GPR12: variants seen among roughly 807,000 people sequenced by gnomAD.
The protein encoded by GPR12 is G-protein coupled receptor 12.
In GPR12, 7 loss-of-function variants were observed where a neutral mutation model predicts 18.9. That is an observed-to-expected ratio of 0.37 (90% CI 0.21 to 0.70). The LOEUF is 0.70. Among genes scored for constraint, GPR12 ranks in the 30% least tolerant of loss-of-function variants. The pLI is 0.54. For synonymous variants in GPR12, 201 were observed against 188.6 expected, an observed-to-expected ratio of 1.07 and a Z score of -0.54; for missense variants, 327 against 427.7, an observed-to-expected ratio of 0.76 and a Z score of 2.08.
Position 26,758,688 on chromosome 13 carries a change from A to AT in GPR12, c.*134dup. On this transcript the variant is annotated 3_prime_UTR_variant, in exon 2 of 2. Coordinates refer to ENST00000405846, the MANE Select transcript of GPR12 (RefSeq NM_005288.4). ...TCACTTAACTCATCTGAACGATGTC[A>AT]TTGTTTCACGAATGCTAAGTGCTCC... is the stretch of plus-strand genomic sequence containing the variant. The AT allele has an allele frequency of 7.8e-7, 1 of 1,283,940 alleles. No homozygotes were observed. The highest frequency in any genetic ancestry group is 1.0e-6 in the Non-Finnish European group (1 of 954,870). 79.5% of individuals were successfully genotyped at this position (1,283,940 alleles called of 1,614,324 possible).
rs758632134 is a variant in GPR12 at position 26,759,302 on chromosome 13, C to T, written c.526G>A (p.Val176Ile). 4 of 1,613,046 alleles carry T rather than the reference C, an allele frequency of 2.5e-6. No individual in the cohort carries two copies. Among genetic ancestry groups the T allele is most frequent in the South Asian group, 1.1e-5 (1 of 91,032 alleles). ...TCTCGGAGGCAGTTCCAGCCCATGA[C>T]GGGCAGCAGCCCCAGGCAGATGGAG... Reference protein sequence around the residue: ...GTSICLGLLPVMGWNCLRDES... With the variant: ...GTSICLGLLPIMGWNCLRDES... Residue 176 changes from valine to isoleucine, a missense_variant, in exon 2 of 2, where the codon GTC becomes ATC. Coordinates refer to ENST00000405846, the MANE Select transcript of GPR12 (RefSeq NM_005288.4).
chr13:26,759,568 G>C lies in GPR12; in HGVS notation c.260C>G (p.Ala87Gly). 2 of 1,614,190 alleles carry C rather than the reference G, an allele frequency of 1.2e-6. No homozygotes were observed. Among genetic ancestry groups the C allele is most frequent in the Non-Finnish European group, 8.5e-7 (1 of 1,180,036 alleles). ...APMFLLIGSL[A>G]LADLLAGIGL... is the part of the protein sequence containing the mutation. Reference sequence around the variant, plus strand: ...AATGCCGGCCAGCAGGTCTGCAAGAGCCAGGCTGCCTATTAGCAGGAACAT... The same window carrying C: ...AATGCCGGCCAGCAGGTCTGCAAGACCCAGGCTGCCTATTAGCAGGAACAT... Residue 87 changes from alanine (A) to glycine (G), a missense_variant, in exon 2 of 2, where the codon GCT becomes GGT. Physicochemically the swap from Ala to Gly is moderately conservative, Grantham distance 60 (BLOSUM62 0). Coordinates refer to ENST00000405846, the MANE Select transcript of GPR12 (RefSeq NM_005288.4).
Position 26,758,090 on chromosome 13 carries a change from T to C in GPR12, c.*733A>G, listed in dbSNP as rs553840030. 3.9e-5 allele frequency: 6 copies of C among 152,346 alleles called. No homozygotes were observed. In the South Asian group the frequency reaches 1.0e-3, roughly 26 times the overall value. 9.4% of individuals were successfully genotyped at this position (152,346 alleles called of 1,614,324 possible). A position where few individuals can be genotyped will look rare whatever the true frequency, so the allele number is the denominator to read the frequency against. The stretch of plus-strand genomic sequence containing the variant: ...GAAAACTATATTGAAAAATGACCCG[T>C]TGGAATCTAGATTGACATGGCAACA... On this transcript the variant is annotated 3_prime_UTR_variant, in exon 2 of 2. Coordinates refer to ENST00000405846, the MANE Select transcript of GPR12 (RefSeq NM_005288.4).
At chr13:26,760,123 G>A in intron 1 of GPR12, 1 of 316,746 alleles carries the variant, frequency 3.2e-6, no homozygotes, top group Non-Finnish European at 6.1e-6. Flanking sequence ...GACTCGCGGC[G>A]GTCTGTTTGC....
At position 26,759,225 on chromosome 13, in the gene GPR12, G is replaced by A. The variant is rs148049847; in HGVS notation, c.603C>T (p.Ile201=). ...VRPLTKNNAA[I]LSVSFLFMFA... ...ACATGAAGAGGAAGGACACCGAGAGGATGGCCGCGTTGTTCTTGGTGAGCG... is the reference window on the plus strand; with the variant it reads ...ACATGAAGAGGAAGGACACCGAGAGAATGGCCGCGTTGTTCTTGGTGAGCG... The change falls in exon 2 of 2, where the codon ATC becomes ATT. Residue 201 remains isoleucine, a synonymous_variant. Coordinates refer to ENST00000405846, the MANE Select transcript of GPR12 (RefSeq NM_005288.4). 110 of 1,612,982 alleles carry A rather than the reference G, an allele frequency of 6.8e-5. No homozygotes were observed. The African/African-American group carries it at 1.2e-3, about 17-fold the overall frequency.
Position 26,757,252 on chromosome 13 carries a change from C to G in GPR12, c.*1571G>C, listed in dbSNP as rs958441299. The stretch of plus-strand genomic sequence containing the variant: ...GGTCTTGAGAGCACCCTGGGCATCA[C>G]ATCTGGGACAAACCGATGAGGTTAA... On this transcript the variant is annotated 3_prime_UTR_variant, in exon 2 of 2. Coordinates refer to ENST00000405846, the MANE Select transcript of GPR12 (RefSeq NM_005288.4). 6.6e-6 allele frequency: 1 copy of G among 152,220 alleles called. No individual in the cohort carries two copies. The highest frequency in any genetic ancestry group is 2.4e-5 in the African/African-American group (1 of 41,452). The allele number at this position is 152,220 out of a possible 1,614,324, so 9.4% of individuals were successfully genotyped here.
chr13:26,755,214 A>G lies in GPR12; in HGVS notation c.*3609T>C, dbSNP rs531145668. On this transcript the variant is annotated 3_prime_UTR_variant, in exon 2 of 2. Coordinates refer to ENST00000405846, the MANE Select transcript of GPR12 (RefSeq NM_005288.4). ...ATTATGACAAATTTTAAAGGGGACA[A>G]TAAGGCAGTCTTTTCCTTTATTATA... 1 of 152,332 alleles carries G rather than the reference A, an allele frequency of 6.6e-6. No homozygotes were observed. The highest frequency in any genetic ancestry group is 6.5e-5 in the Admixed American group (1 of 15,300). The allele number at this position is 152,332 out of a possible 1,614,324, so 9.4% of individuals were successfully genotyped here. A position where few individuals can be genotyped will look rare whatever the true frequency, so the allele number is the denominator to read the frequency against.
Position 26,759,674 on chromosome 13 carries a change from A to C in GPR12, c.154T>G (p.Cys52Gly). The change falls in exon 2 of 2, where the codon TGT (cysteine) becomes GGT (glycine). Residue 52 changes from cysteine (C) to glycine (G), a missense_variant. By Grantham distance (159) the Cys-to-Gly change is radical. Coordinates refer to ENST00000405846, the MANE Select transcript of GPR12 (RefSeq NM_005288.4). ...CAGGAGATGAGGGTTCCCGAGGTAC[A>C]CAAGACAATGTCCCAGGGGTTGACT... ...LVVNPWDIVL[C>G]TSGTLISCEN... 6.2e-7 allele frequency: 1 copy of C among 1,614,082 alleles called. No individual in the cohort carries two copies.
chr13:26,759,006 C>T lies in GPR12; in HGVS notation c.822G>A (p.Ala274=), dbSNP rs2137578982. The part of the protein sequence containing the change: ...WMPFTLYSLI[A]DYTYPSIYTY... ...TATAGATGGAGGGGTAGGTGTAATC[C>T]GCTATCAAGGAATAGAGGGTGAAAG... The change falls in exon 2 of 2, where the codon GCG becomes GCA. Residue 274 remains alanine, a synonymous_variant. Transcript: ENST00000405846. 1 of 1,613,884 alleles carries T rather than the reference C, an allele frequency of 6.2e-7. No homozygotes were observed. Among genetic ancestry groups the T allele is most frequent in the African/African-American group, 1.3e-5 (1 of 74,926 alleles).
chr13:26,760,160 A>G (rs1884455760), intron 1 of GPR12: 1 of 236,620 alleles, frequency 4.2e-6, no homozygotes, highest in African/African-American at 2.3e-5. Context: ...CACATTGGAA[A>G]ATCACATCTT....
rs544546934 is a variant in GPR12, at chr13:26,755,837, T to A, written c.*2986A>T. On this transcript the variant is annotated 3_prime_UTR_variant, in exon 2 of 2. Coordinates refer to ENST00000405846, the MANE Select transcript of GPR12 (RefSeq NM_005288.4). Reference sequence around the variant, plus strand: ...ATATCAATTCCTTGGTAGCTAGAAATTTTAATTATGTGGAGTAAAAGATTA... The same window carrying A: ...ATATCAATTCCTTGGTAGCTAGAAAATTTAATTATGTGGAGTAAAAGATTA... 86 of 152,348 alleles carry A rather than the reference T, an allele frequency of 5.6e-4. No individual in the cohort carries two copies. Among genetic ancestry groups the A allele is most frequent in the African/African-American group, 2.0e-3 (84 of 41,586 alleles). 9.4% of individuals were successfully genotyped at this position (152,348 alleles called of 1,614,324 possible).
In GPR12 at chr13:26,758,875, C is replaced by A; in HGVS notation, c.953G>T (p.Gly318Val). 1.2e-6 allele frequency: 2 copies of A among 1,613,938 alleles called. No homozygotes were observed. The highest frequency in any genetic ancestry group is 1.7e-6 in the Non-Finnish European group (2 of 1,179,882). Residue 318 changes from glycine to valine, a missense_variant, in exon 2 of 2, where the codon GGC becomes GTC. Transcript: ENST00000405846. ...CTGGGCGAGACTGGACGGGATGCAG[C>A]CGCAGCAAATGAGACAGAGCGCTTT... ...IQKALCLICC[G>V]CIPSSLAQRA...
chr13:26,756,570 G>A lies in GPR12; in HGVS notation c.*2253C>T, dbSNP rs1223860076. ...TTTCCTCAGCCCTGGTATCCACTGA[G>A]GGATGAAAGCTTGCAAGGTACAGGG... On this transcript the variant is annotated 3_prime_UTR_variant, in exon 2 of 2. Transcript: ENST00000405846. The A allele has an allele frequency of 6.6e-6, 1 of 152,188 alleles. No homozygotes were observed. Among genetic ancestry groups the A allele is most frequent in the Non-Finnish European group, 1.5e-5 (1 of 68,038 alleles). 9.4% of individuals were successfully genotyped at this position (152,188 alleles called of 1,614,324 possible). A position where few individuals can be genotyped will look rare whatever the true frequency, so the allele number is the denominator to read the frequency against.
intron 1 of GPR12, chr13:26,760,217 A>ATCT: frequency 5.6e-6 from 1 of 178,388 alleles, no homozygotes; most frequent in Non-Finnish European, 1.3e-5. Flanking sequence ...TGCTGCCGAG[A>ATCT]AAACCACGCG....
In GPR12 at chr13:26,759,046, G is replaced by A; in HGVS notation, c.782C>T (p.Ala261Val). Residue 261 changes from alanine (A) to valine (V), a missense_variant, in exon 2 of 2, where the codon GCT becomes GTT. Coordinates refer to ENST00000405846, the MANE Select transcript of GPR12 (RefSeq NM_005288.4). The stretch of plus-strand genomic sequence containing the variant: ...GAGGGTGAAAGGCATCCAGCAAGCA[G>A]CAAACGTCCCCAGGATGATAGCCAG... ...STLAIILGTF[A>V]ACWMPFTLYS... 6.2e-7 allele frequency: 1 copy of A among 1,614,110 alleles called. No homozygotes were observed. The highest frequency in any genetic ancestry group is 2.2e-5 in the East Asian group (1 of 44,870).
rs765131956 is a variant in GPR12, at chr13:26,757,059, G to C, written c.*1764C>G. On this transcript the variant is annotated 3_prime_UTR_variant, in exon 2 of 2. Transcript: ENST00000405846. ...AGTTTTATTAGATTGATCATACAGT[G>C]GTATGTATTGAAAATTCTTTCCCAC... 6.6e-6 allele frequency: 1 copy of C among 152,100 alleles called. No individual in the cohort carries two copies. The highest frequency in any genetic ancestry group is 6.6e-5 in the Admixed American group (1 of 15,264). 9.4% of individuals were successfully genotyped at this position (152,100 alleles called of 1,614,324 possible).
At position 26,759,222 on chromosome 13, in the gene GPR12, G is replaced by T; in HGVS notation, c.606C>A (p.Leu202=). ...RPLTKNNAAI[L]SVSFLFMFAL... ...CAAACATGAAGAGGAAGGACACCGA[G>T]AGGATGGCCGCGTTGTTCTTGGTGA... Residue 202 remains leucine, a synonymous_variant, in exon 2 of 2, where the codon CTC becomes CTA. Transcript: ENST00000405846. The T allele has an allele frequency of 6.2e-7, 1 of 1,613,074 alleles. No homozygotes were observed.
chr13:26,755,224 C>T lies in GPR12; in HGVS notation c.*3599G>A, dbSNP rs550740979. ...ATTTTAAAGGGGACAATAAGGCAGT[C>T]TTTTCCTTTATTATACCAGGCATAC... On this transcript the variant is annotated 3_prime_UTR_variant, in exon 2 of 2. Transcript: ENST00000405846. The T allele has an allele frequency of 1.2e-4, 19 of 152,256 alleles. 1 individual carries two copies. In the South Asian group the frequency reaches 3.9e-3, roughly 32 times the overall value. The allele number at this position is 152,256 out of a possible 1,614,324, so 9.4% of individuals were successfully genotyped here. A position where few individuals can be genotyped will look rare whatever the true frequency, so the allele number is the denominator to read the frequency against.
Position 26,758,686 on chromosome 13 carries a change from T to C in GPR12, c.*137A>G, listed in dbSNP as rs975712467. On this transcript the variant is annotated 3_prime_UTR_variant, in exon 2 of 2. Transcript: ENST00000405846. ...AATCACTTAACTCATCTGAACGATG[T>C]CATTGTTTCACGAATGCTAAGTGCT... The C allele has an allele frequency of 3.2e-6, 4 of 1,265,702 alleles. No individual in the cohort carries two copies. In the African/African-American group the frequency reaches 6.0e-5, roughly 19 times the overall value. The allele number at this position is 1,265,702 out of a possible 1,614,324, so 78.4% of individuals were successfully genotyped here. A position where few individuals can be genotyped will look rare whatever the true frequency, so the allele number is the denominator to read the frequency against.
Sources: gnomAD v4.1 joint callset for allele counts on GRCh38, gnomAD v4.1.1 for gene constraint, MANE v1.5 for transcripts, NCBI Gene and HGNC (gene_info 2026-07-23, HGNC 2026-07-21) for gene names.